The following SMAD2 variants were observed in gnomAD, a reference collection of about 807,000 sequenced individuals.
The protein encoded by SMAD2 is SMAD family member 2, also known as MAD homolog 2.
In SMAD2, 8 loss-of-function variants were observed where a neutral mutation model predicts 64.4. The observed-to-expected ratio is 0.12, with a 90% CI of 0.07 to 0.22. The LOEUF (loss-of-function observed/expected upper bound fraction) is 0.22, where lower values mean the gene tolerates loss of function less well. SMAD2 is among the 10% of genes least tolerant of loss of function. SMAD2 has a pLI of 1.00. For synonymous variants in SMAD2, 203 were observed against 195.8 expected (o/e 1.04, Z -0.31); for missense variants, 289 against 561.2 (o/e 0.51, Z 4.90).
chr18:47,916,547 G>A lies in SMAD2; in HGVS notation c.-54+13814C>T, dbSNP rs575494129. On this transcript the variant is annotated intron_variant, in intron 1 of 10. Coordinates refer to ENST00000262160, the MANE Select transcript of SMAD2 (RefSeq NM_005901.6). ...AGCCACCTGATTAGCTGGGATTACA[G>A]GCGACTGCAACCATGCTTGGCTAAT... 3.9e-5 allele frequency among the ~76,000 whole-genome samples: 6 copies of A among 152,208 alleles called. No individual in the cohort carries two copies. In the South Asian group the frequency reaches 1.2e-3, roughly 32 times the overall value.
chr18:47,872,487 A>T (rs193046355), intron 2 of SMAD2, among the ~76,000 whole-genome samples: 1 of 152,312 alleles, frequency 6.6e-6, no homozygotes, highest in South Asian at 2.1e-4. Context: ...CAGCATTTAC[A>T]ATGTATTACA....
rs1479147629 is a variant in SMAD2, at chr18:47,813,077, G to C, written c.*28750C>G. 6.6e-6 allele frequency: 1 copy of C among 152,140 alleles called. No homozygotes were observed. Among genetic ancestry groups the C allele is most frequent in the Non-Finnish European group, 1.5e-5 (1 of 68,092 alleles). The allele number at this position is 152,140 out of a possible 1,614,324, so 9.4% of individuals were successfully genotyped here. A position where few individuals can be genotyped will look rare whatever the true frequency, so the allele number is the denominator to read the frequency against. On this transcript the variant is annotated 3_prime_UTR_variant, in exon 11 of 11. Transcript: ENST00000262160. Reference sequence around the variant, plus strand: ...CCAAAAATACAAAAATTAGCCAGGTGTGGTGGCGGGCACCTGCAATCCCAG... The same window carrying C: ...CCAAAAATACAAAAATTAGCCAGGTCTGGTGGCGGGCACCTGCAATCCCAG...
chr18:47,825,817 C>G lies in SMAD2; in HGVS notation c.*16010G>C, dbSNP rs1912733143. 6.6e-6 allele frequency: 1 copy of G among 152,202 alleles called. No homozygotes were observed. Among genetic ancestry groups the G allele is most frequent in the African/African-American group, 2.4e-5 (1 of 41,438 alleles). 9.4% of individuals were successfully genotyped at this position (152,202 alleles called of 1,614,324 possible). A position where few individuals can be genotyped will look rare whatever the true frequency, so the allele number is the denominator to read the frequency against. On this transcript the variant is annotated 3_prime_UTR_variant, in exon 11 of 11. Coordinates refer to ENST00000262160, the MANE Select transcript of SMAD2 (RefSeq NM_005901.6). ...TGTCAAAGTTAAAACATGCCTTGAT[C>G]AGTCAACCAAATTACTGCTAAACCA...
rs1912586536 is a variant in SMAD2, at chr18:47,821,858, G to A, written c.*19969C>T. The stretch of plus-strand genomic sequence containing the variant: ...CTTAAGTCTTTTGATTATCATTCTT[G>A]TTAAATATTTTATAGTGACCTGTGA... On this transcript the variant is annotated 3_prime_UTR_variant, in exon 11 of 11. Transcript: ENST00000262160. 6.6e-6 allele frequency: 1 copy of A among 151,986 alleles called. No homozygotes were observed. Among genetic ancestry groups the A allele is most frequent in the Non-Finnish European group, 1.5e-5 (1 of 67,990 alleles). The allele number at this position is 151,986 out of a possible 1,614,324, so 9.4% of individuals were successfully genotyped here. A position where few individuals can be genotyped will look rare whatever the true frequency, so the allele number is the denominator to read the frequency against.
intron 1 of SMAD2, among the ~76,000 whole-genome samples, chr18:47,904,433 AC>A (rs2144498111): frequency 6.6e-6 from 1 of 152,088 alleles, no homozygotes; most frequent in East Asian, 1.9e-4. Flanking sequence ...TCACTCTGTA[AC>A]AATAACCACC....
chr18:47,924,955 A>C (rs2034706299), intron 1 of SMAD2, among the ~76,000 whole-genome samples: 1 of 152,226 alleles, frequency 6.6e-6, no homozygotes, highest in Admixed American at 6.5e-5. Context: ...TCAGATCAAG[A>C]GTCTTTTTTG....
In SMAD2 at chr18:47,836,550, A is replaced by G. The variant is rs992615606; in HGVS notation, c.*5277T>C. ...TTTACCAGGATCTGAGATTTAAACA[A>G]TGGAACAATTGTTTTAACTGTTAGA... On this transcript the variant is annotated 3_prime_UTR_variant, in exon 11 of 11. Coordinates refer to ENST00000262160, the MANE Select transcript of SMAD2 (RefSeq NM_005901.6). 1 of 217,544 alleles carries G rather than the reference A, an allele frequency of 4.6e-6. No individual in the cohort carries two copies. Among genetic ancestry groups the G allele is most frequent in the East Asian group, 6.8e-5 (1 of 14,686 alleles). 13.5% of individuals were successfully genotyped at this position (217,544 alleles called of 1,614,324 possible). A position where few individuals can be genotyped will look rare whatever the true frequency, so the allele number is the denominator to read the frequency against.
chr18:47,911,919 T>C (rs2034152466), intron 1 of SMAD2, among the ~76,000 whole-genome samples: 1 of 152,214 alleles, frequency 6.6e-6, no homozygotes, highest in Non-Finnish European at 1.5e-5. Context: ...TGGCTACCTT[T>C]GGCCCCTGTT....
chr18:47,891,703 T>C (rs1020763158), intron 2 of SMAD2, among the ~76,000 whole-genome samples: 3 of 152,006 alleles, frequency 2.0e-5, no homozygotes, highest in Admixed American at 2.0e-4. Context: ...AATACACTTT[T>C]TGAAGGCAAA....
chr18:47,919,654 C>T (rs971864013), intron 1 of SMAD2, among the ~76,000 whole-genome samples: 3 of 152,060 alleles, frequency 2.0e-5, no homozygotes, highest in South Asian at 2.1e-4. Flanking sequence ...CTAAAAAAGA[C>T]GAAGCCAAAA....
chr18:47,841,607 T>G lies in SMAD2; in HGVS notation c.*220A>C. 1.7e-6 allele frequency: 1 copy of G among 576,878 alleles called. No homozygotes were observed. The highest frequency in any genetic ancestry group is 3.1e-6 in the Non-Finnish European group (1 of 323,412). The allele number at this position is 576,878 out of a possible 1,614,324, so 35.7% of individuals were successfully genotyped here. A position where few individuals can be genotyped will look rare whatever the true frequency, so the allele number is the denominator to read the frequency against. ...ACATCATTAAGTCTTTAAAATCTTC[T>G]CTTCCTCTTTAATGGGAGAGTATTT... On this transcript the variant is annotated 3_prime_UTR_variant, in exon 11 of 11. Coordinates refer to ENST00000262160, the MANE Select transcript of SMAD2 (RefSeq NM_005901.6).
Position 47,838,522 on chromosome 18 carries a change from G to A in SMAD2, c.*3305C>T. The A allele has an allele frequency of 4.3e-6, 1 of 232,912 alleles. No homozygotes were observed. The highest frequency in any genetic ancestry group is 6.0e-5 in the East Asian group (1 of 16,598). The allele number at this position is 232,912 out of a possible 1,614,324, so 14.4% of individuals were successfully genotyped here. On this transcript the variant is annotated 3_prime_UTR_variant, in exon 11 of 11. Transcript: ENST00000262160. ...TTTACTAACTGAATGTGTATTATAA[G>A]GTATAATCGGTATAACTGATATAGC...
rs1294441778 is a variant in SMAD2 at position 47,831,134 on chromosome 18, T to A, written c.*10693A>T. 6.6e-6 allele frequency: 1 copy of A among 152,276 alleles called. No homozygotes were observed. The highest frequency in any genetic ancestry group is 1.9e-4 in the East Asian group (1 of 5,204). 9.4% of individuals were successfully genotyped at this position (152,276 alleles called of 1,614,324 possible). ...CCCAAACTATACAGCTATCCTTGGC[T>A]TTTAACTCCAAGCTATCTAGGCCTT... On this transcript the variant is annotated 3_prime_UTR_variant, in exon 11 of 11. Coordinates refer to ENST00000262160, the MANE Select transcript of SMAD2 (RefSeq NM_005901.6).
rs764594290 is a variant in SMAD2, at chr18:47,819,795, C to CAAAAAAAAAAAAAAA, written c.*22017_*22031dup. 1 of 97,162 alleles carries CAAAAAAAAAAAAAAA rather than the reference C, an allele frequency of 1.0e-5. No individual in the cohort carries two copies. Among genetic ancestry groups the CAAAAAAAAAAAAAAA allele is most frequent in the Non-Finnish European group, 2.0e-5 (1 of 51,196 alleles). 6.0% of individuals were successfully genotyped at this position (97,162 alleles called of 1,614,324 possible). On this transcript the variant is annotated 3_prime_UTR_variant, in exon 11 of 11. Coordinates refer to ENST00000262160, the MANE Select transcript of SMAD2 (RefSeq NM_005901.6). ...TGGGTGACAGAGCGAGACTCCGTCT[C>CAAAAAAAAAAAAAAA]AAAAAAAAAAAAAAAAAAAAGAATT... is the stretch of plus-strand genomic sequence containing the variant.
chr18:47,810,231 GAAGA>G lies in SMAD2; in HGVS notation c.*31592_*31595del, dbSNP rs1912158774. On this transcript the variant is annotated 3_prime_UTR_variant, in exon 11 of 11. Coordinates refer to ENST00000262160, the MANE Select transcript of SMAD2 (RefSeq NM_005901.6). ...AGTGAATTCCAAATTGCACACACGA[GAAGA>G]AAGTAAGAGGTCGCCAACCAAGTCA... is the stretch of plus-strand genomic sequence containing the variant. 6.6e-6 allele frequency: 1 copy of G among 152,284 alleles called. No individual in the cohort carries two copies. Among genetic ancestry groups the G allele is most frequent in the East Asian group, 1.9e-4 (1 of 5,198 alleles). 9.4% of individuals were successfully genotyped at this position (152,284 alleles called of 1,614,324 possible). A position where few individuals can be genotyped will look rare whatever the true frequency, so the allele number is the denominator to read the frequency against.
rs539110359 is a variant in SMAD2, at chr18:47,831,837, A to C, written c.*9990T>G. 2.0e-5 allele frequency: 3 copies of C among 152,364 alleles called. No individual in the cohort carries two copies. In the South Asian group the frequency reaches 6.2e-4, roughly 32 times the overall value. 9.4% of individuals were successfully genotyped at this position (152,364 alleles called of 1,614,324 possible). On this transcript the variant is annotated 3_prime_UTR_variant, in exon 11 of 11. Coordinates refer to ENST00000262160, the MANE Select transcript of SMAD2 (RefSeq NM_005901.6). ...TTTCCATACCTATTTATTGCAGCAA[A>C]AGATAATTTTTATGTGTAAATTAGC...
In SMAD2 at chr18:47,817,851, A is replaced by C. The variant is rs1047882470; in HGVS notation, c.*23976T>G. On this transcript the variant is annotated 3_prime_UTR_variant, in exon 11 of 11. Coordinates refer to ENST00000262160, the MANE Select transcript of SMAD2 (RefSeq NM_005901.6). The stretch of plus-strand genomic sequence containing the variant: ...ATGGCTCTTTTAAAGCCACTAGGGC[A>C]ATCGCCACCAGTTAAAACACTGGTC... The C allele has an allele frequency of 1.3e-5, 2 of 152,234 alleles. No homozygotes were observed. Among genetic ancestry groups the C allele is most frequent in the Non-Finnish European group, 2.9e-5 (2 of 68,040 alleles). The allele number at this position is 152,234 out of a possible 1,614,324, so 9.4% of individuals were successfully genotyped here. A position where few individuals can be genotyped will look rare whatever the true frequency, so the allele number is the denominator to read the frequency against.
In SMAD2 at chr18:47,845,803, GA is replaced by G. The variant is rs764655481; in HGVS notation, c.998-4del. The G allele has an allele frequency of 6.2e-7, 1 of 1,612,980 alleles. No homozygotes were observed. The highest frequency in any genetic ancestry group is 1.7e-5 in the Admixed American group (1 of 60,000). Reference sequence around the variant, plus strand: ...GTAGTATAAGCGCACTCCTCTTCCTGAAACAAAATACAAATGAGATTAGTTT... The same window carrying G: ...GTAGTATAAGCGCACTCCTCTTCCTGAACAAAATACAAATGAGATTAGTTT... On this transcript the variant is annotated splice_region_variant and splice_polypyrimidine_tract_variant and intron_variant, in intron 8 of 10. Transcript: ENST00000262160.
At position 47,820,595 on chromosome 18, in the gene SMAD2, T is replaced by A. The variant is rs767173292; in HGVS notation, c.*21232A>T. 3.3e-5 allele frequency: 5 copies of A among 152,114 alleles called. No individual in the cohort carries two copies. Among genetic ancestry groups the A allele is most frequent in the Non-Finnish European group, 7.4e-5 (5 of 68,020 alleles). The allele number at this position is 152,114 out of a possible 1,614,324, so 9.4% of individuals were successfully genotyped here. ...AATTAACAGAATAATTCTGTATGAGTCTTGCATAGTAACTTTTTATCCTAA... is the reference window on the plus strand; with the variant it reads ...AATTAACAGAATAATTCTGTATGAGACTTGCATAGTAACTTTTTATCCTAA... On this transcript the variant is annotated 3_prime_UTR_variant, in exon 11 of 11. Transcript: ENST00000262160.
Sources: allele counts gnomAD v4.1 joint callset (sites outside exome capture counted in the v4.1 genomes callset), GRCh38; gene constraint gnomAD v4.1.1; transcripts MANE v1.5; gene names NCBI Gene and HGNC (gene_info 2026-07-23, HGNC 2026-07-21).